DGAT2: variants seen among roughly 807,000 people sequenced by gnomAD.
The protein encoded by DGAT2 is acyl-CoA retinol O-fatty-acyltransferase.
Under a neutral mutation model 48.4 loss-of-function variants are expected in DGAT2, and 33 were observed. That is an observed-to-expected ratio of 0.68 (90% CI 0.52 to 0.91). The LOEUF (loss-of-function observed/expected upper bound fraction) is 0.91. Among genes scored for constraint, DGAT2 ranks in the 40% least tolerant of loss-of-function variants. The pLI, the probability that DGAT2 is intolerant of heterozygous loss-of-function variation, is 0.00. For missense variants in DGAT2, 446 were observed against 493.7 expected, an observed-to-expected ratio of 0.90 and a Z score of 0.92; for synonymous variants, 191 against 194.1, an observed-to-expected ratio of 0.98 and a Z score of 0.13.
At chr11:75,800,281 C>T in intron 7 of DGAT2, 73 bp from the exon 8 acceptor site, 1 of 1,549,820 alleles carries the variant, frequency 6.5e-7, no homozygotes, top group Non-Finnish European at 8.7e-7. Flanking sequence ...CCAGCGTCAC[C>T]ACCTTCAGCA....
chr11:75,775,149 A>G (rs1033858589), intron 1 of DGAT2, among the ~76,000 whole-genome samples: 1 of 152,264 alleles, frequency 6.6e-6, no homozygotes, highest in Non-Finnish European at 1.5e-5. Context: ...CTAGCAGAGC[A>G]CAGGTGGCCC....
At chr11:75,800,307 A>T in intron 7 of DGAT2, 47 bp from the exon 8 acceptor site, 1 of 1,589,708 alleles carries the variant, frequency 6.3e-7, no homozygotes, top group African/African-American at 1.3e-5. Context: ...GTGGATGCCC[A>T]GGGGAAGGGT....
At chr11:75,785,392 C>T (rs1018145392) in intron 2 of DGAT2, among the ~76,000 whole-genome samples, 1 of 152,216 alleles carries the variant, frequency 6.6e-6, no homozygotes, top group African/African-American at 2.4e-5. Flanking sequence ...CCACACCCAT[C>T]CTCAGCTGAG....
intron 2 of DGAT2, 34 bp from the exon 3 acceptor site, chr11:75,790,154 A>G (rs759727209): frequency 6.7e-7 from 1 of 1,500,906 alleles, no homozygotes. Context: ...GATGAAGCCC[A>G]GTAGGACCTG....
At chr11:75,798,093 T>C (rs1945075071) in intron 6 of DGAT2, 134 bp from the exon 7 acceptor site, 1 of 867,826 alleles carries the variant, frequency 1.2e-6, no homozygotes, top group African/African-American at 1.7e-5. Flanking sequence ...TCATGTGAAC[T>C]TGGGACACCC....
chr11:75,792,442 T>C (rs1034966387), intron 4 of DGAT2: 1 of 152,380 alleles, frequency 6.6e-6, no homozygotes, highest in African/African-American at 2.4e-5. Flanking sequence ...TTGGCCTTGG[T>C]GATCTGACAT....
At chr11:75,797,099 C>T (rs1040097743) in intron 5 of DGAT2, 59 bp from the exon 6 acceptor site, 82 of 1,417,314 alleles carry the variant, frequency 5.8e-5, no homozygotes, top group Non-Finnish European at 7.4e-5. Flanking sequence ...GACTGTGTGC[C>T]GGGGATGGGG....
Position 75,790,067 on chromosome 11 carries a change from C to T in DGAT2, c.251-121C>T, listed in dbSNP as rs1466154819. On this transcript the variant is annotated intron_variant, in intron 2 of 7. Transcript: ENST00000228027. Reference sequence around the variant, plus strand: ...AGCTATTTCTCAGGGTTTGTGGGCCCCATGCCCATGGCCCTGGGTGTGCCT... The same window carrying T: ...AGCTATTTCTCAGGGTTTGTGGGCCTCATGCCCATGGCCCTGGGTGTGCCT... The T allele has an allele frequency of 1.1e-5, 8 of 741,894 alleles. No individual in the cohort carries two copies. The African/African-American group carries it at 1.4e-4, about 13-fold the overall frequency. 46.0% of individuals were successfully genotyped at this position (741,894 alleles called of 1,614,324 possible). A position where few individuals can be genotyped will look rare whatever the true frequency, so the allele number is the denominator to read the frequency against.
rs1945109909 is a variant in DGAT2, at chr11:75,801,282, T to A, written c.*774T>A. 6.6e-6 allele frequency: 1 copy of A among 152,622 alleles called. No homozygotes were observed. The highest frequency in any genetic ancestry group is 1.5e-5 in the Non-Finnish European group (1 of 68,040). The allele number at this position is 152,622 out of a possible 1,614,324, so 9.5% of individuals were successfully genotyped here. On this transcript the variant is annotated 3_prime_UTR_variant, in exon 8 of 8. Transcript: ENST00000228027. ...TGCTTACTGGTGGCCTCAGTTTACC[T>A]TCCCCAGATCCTAGATTCTGGATGT... is the stretch of plus-strand genomic sequence containing the variant.
chr11:75,784,377 C>CCT lies in DGAT2; in HGVS notation c.122-241_122-240insCT, dbSNP rs543762928. 6.9e-4 allele frequency: 277 copies of CCT among 400,336 alleles called. 1 individual carries two copies. Among genetic ancestry groups the CCT allele is most frequent in the African/African-American group, 5.0e-3 (250 of 50,016 alleles). The allele number at this position is 400,336 out of a possible 1,614,324, so 24.8% of individuals were successfully genotyped here. A position where few individuals can be genotyped will look rare whatever the true frequency, so the allele number is the denominator to read the frequency against. On this transcript the variant is annotated intron_variant, in intron 1 of 7. Transcript: ENST00000228027. Reference sequence around the variant, plus strand: ...CTTCATGTGGTCTCCAAAATGACCCCGAGTGCGATACCATTCCCATTGTGT... The same window carrying CCT: ...CTTCATGTGGTCTCCAAAATGACCCCCTGAGTGCGATACCATTCCCATTGTGT...
At chr11:75,790,063 G>A (rs1368099448) in intron 2 of DGAT2, 125 bp from the exon 3 acceptor site, 8 of 719,456 alleles carry the variant, frequency 1.1e-5, no homozygotes, top group Non-Finnish European at 2.0e-5. Context: ...AGGGTTTGTG[G>A]GCCCCATGCC....
At position 75,800,420 on chromosome 11, in the gene DGAT2, C is replaced by G. The variant is rs973279966; in HGVS notation, c.1079C>G (p.Thr360Ser). 6.2e-7 allele frequency: 1 copy of G among 1,614,200 alleles called. No homozygotes were observed. Among genetic ancestry groups the G allele is most frequent in the African/African-American group, 1.3e-5 (1 of 75,052 alleles). ...PTQQDIDLYH[T>S]MYMEALVKLF... ...CAGCAAGACATCGACCTGTACCACACCATGTACATGGAGGCCCTGGTGAAG... is the reference window on the plus strand; with the variant it reads ...CAGCAAGACATCGACCTGTACCACAGCATGTACATGGAGGCCCTGGTGAAG... Residue 360 changes from threonine (T) to serine (S), a missense_variant, in exon 8 of 8, where the codon ACC becomes AGC. Transcript: ENST00000228027.
Position 75,796,380 on chromosome 11 carries a change from A to C in DGAT2, c.482A>C (p.His161Pro). The C allele has an allele frequency of 6.2e-7, 1 of 1,614,066 alleles. No homozygotes were observed. Among genetic ancestry groups the C allele is most frequent in the Non-Finnish European group, 8.5e-7 (1 of 1,180,006 alleles). Residue 161 changes from histidine (H) to proline (P), a missense_variant, in exon 5 of 8, where the codon CAC becomes CCC. His to Pro is a moderately conservative substitution (Grantham distance 77, BLOSUM62 -2). Transcript: ENST00000228027. ...ACCAGGAACTATATCTTTGGATACCACCCCCATGGTATCATGGGCCTGGGT... is the reference window on the plus strand; with the variant it reads ...ACCAGGAACTATATCTTTGGATACCCCCCCCATGGTATCATGGGCCTGGGT... Reference protein sequence around the residue: ...LTTRNYIFGYHPHGIMGLGAF... With the variant: ...LTTRNYIFGYPPHGIMGLGAF...
rs1944729485 is a variant in DGAT2, at chr11:75,769,070, C to T, written c.79C>T (p.His27Tyr). 2 of 1,583,126 alleles carry T rather than the reference C, an allele frequency of 1.3e-6. No individual in the cohort carries two copies. The highest frequency in any genetic ancestry group is 1.7e-6 in the Non-Finnish European group (2 of 1,167,538). The change falls in exon 1 of 8, where the codon CAC becomes TAC. Residue 27 changes from histidine (H) to tyrosine (Y), a missense_variant. Coordinates refer to ENST00000228027, the MANE Select transcript of DGAT2 (RefSeq NM_032564.5). Reference protein sequence around the residue: ...QAEADRSQRSHGGPALSREGS... With the variant: ...QAEADRSQRSYGGPALSREGS... The stretch of plus-strand genomic sequence containing the variant: ...CGAGGCTGACCGGAGCCAGCGCTCT[C>T]ACGGAGGACCTGCGCTGTCGCGCGA...
intron 4 of DGAT2, chr11:75,795,344 A>T: frequency 6.6e-6 from 1 of 152,246 alleles, no homozygotes; most frequent in Middle Eastern, 3.4e-3. Flanking sequence ...TTCTAATCAG[A>T]ATAAAAATGA....
chr11:75,792,973 A>G (rs996875175), intron 4 of DGAT2: 2 of 152,268 alleles, frequency 1.3e-5, no homozygotes, highest in Non-Finnish European at 2.9e-5. Flanking sequence ...TGTAAACTTA[A>G]GCAAGCCTTT....
intron 4 of DGAT2, 139 bp downstream of exon 4, chr11:75,790,870 T>C: frequency 1.2e-6 from 1 of 827,966 alleles, no homozygotes. Flanking sequence ...CTGGCTGTGC[T>C]GGGGACCCCA....
At chr11:75,796,705 T>C (rs1300848600) in intron 5 of DGAT2, 173 bp downstream of exon 5, 5 of 653,772 alleles carry the variant, frequency 7.6e-6, no homozygotes, top group African/African-American at 1.8e-5. Context: ...GAGCTGTCCA[T>C]ATGGTCTTGA....
At position 75,790,208 on chromosome 11, in the gene DGAT2, C is replaced by G; in HGVS notation, c.271C>G (p.Leu91Val). Residue 91 changes from leucine (L) to valine (V), a missense_variant, in exon 3 of 8, where the codon CTC (leucine) becomes GTC (valine). Leu to Val is a conservative substitution (Grantham distance 32). Coordinates refer to ENST00000228027, the MANE Select transcript of DGAT2 (RefSeq NM_032564.5). ...CCCAGGAGTGGCCTGCAGTGCCATC[C>G]TCATGTACATATTCTGCACTGATTG... ...LVLGVACSAILMYIFCTDCWL... is the reference protein window; with the variant it reads ...LVLGVACSAIVMYIFCTDCWL... The G allele has an allele frequency of 6.2e-7, 1 of 1,614,114 alleles. No individual in the cohort carries two copies.
Sources: allele counts gnomAD v4.1 joint callset (sites outside exome capture counted in the v4.1 genomes callset), GRCh38; gene constraint gnomAD v4.1.1; transcripts MANE v1.5; gene names NCBI Gene and HGNC (gene_info 2026-07-23, HGNC 2026-07-21).